The following C8orf34 variants were observed in gnomAD, a reference collection of about 807,000 sequenced individuals.
C8orf34 encodes the protein uncharacterized protein C8orf34.
In C8orf34, 65 loss-of-function variants were observed where a neutral mutation model predicts 68.3. That is an observed-to-expected ratio of 0.95 (90% CI 0.78 to 1.17). C8orf34 has a LOEUF of 1.17. Ranked by LOEUF, C8orf34 falls within the 50% of genes most tolerant of loss-of-function variation. The pLI, the probability that C8orf34 is intolerant of heterozygous loss-of-function variation, is 0.00. For synonymous variants in C8orf34, 244 were observed against 241.2 expected (o/e 1.01, Z -0.11); for missense variants, 664 against 655.4 (o/e 1.01, Z -0.14).
At chr8:68,738,154 A>T (rs1822176047) in intron 10 of C8orf34, among the ~76,000 whole-genome samples, 1 of 152,108 alleles carries the variant, frequency 6.6e-6, no homozygotes. Flanking sequence ...ATTCAATCAA[A>T]ACAGTACAAT....
intron 11 of C8orf34, among the ~76,000 whole-genome samples, chr8:68,782,763 A>C (rs1157310737): frequency 6.6e-6 from 1 of 152,136 alleles, no homozygotes; most frequent in Non-Finnish European, 1.5e-5. Flanking sequence ...TTTAAAATGA[A>C]AATCACTTTT....
intron 7 of C8orf34, among the ~76,000 whole-genome samples, chr8:68,588,209 T>C (rs949544099): frequency 1.3e-5 from 2 of 152,120 alleles, no homozygotes; most frequent in Admixed American, 1.3e-4. Flanking sequence ...TGTATTTATC[T>C]GAAGTAAGTA....
rs189155246 is a variant in C8orf34, at chr8:68,742,284, T to C, written c.1404+20847T>C. On this transcript the variant is annotated intron_variant, in intron 10 of 13. Coordinates refer to ENST00000518698, the MANE Select transcript of C8orf34 (RefSeq NM_052958.4). ...TTCCTTTGCTGCTAATGTCCAGTTT[T>C]AATCTGCCCTCAATATGTATCTTAT... Among the ~76,000 whole-genome samples the C allele has an allele frequency of 2.0e-3, 304 of 152,342 alleles. 2 individuals carry two copies. Among genetic ancestry groups the C allele is most frequent in the Non-Finnish European group, 2.1e-3 (146 of 68,036 alleles).
At chr8:68,500,149 C>T (rs549840807) in intron 5 of C8orf34, among the ~76,000 whole-genome samples, 1 of 152,262 alleles carries the variant, frequency 6.6e-6, no homozygotes, top group South Asian at 2.1e-4. Context: ...AATTAAACCT[C>T]TTCTTAAAAT....
chr8:68,641,108 T>C (rs1157031049), intron 8 of C8orf34, among the ~76,000 whole-genome samples: 1 of 152,208 alleles, frequency 6.6e-6, no homozygotes, highest in Non-Finnish European at 1.5e-5. Flanking sequence ...CTAAATCTCA[T>C]TTGCAAAGAG....
intron 5 of C8orf34, among the ~76,000 whole-genome samples, chr8:68,520,300 T>A (rs1208175735): frequency 1.3e-5 from 2 of 152,176 alleles, no homozygotes; most frequent in Non-Finnish European, 2.9e-5. Context: ...ATATTTCATG[T>A]GTTGCTTTTG....
At chr8:68,504,882 C>T in intron 5 of C8orf34, among the ~76,000 whole-genome samples, 1 of 151,896 alleles carries the variant, frequency 6.6e-6, no homozygotes, top group East Asian at 1.9e-4. Flanking sequence ...TTTCACCATG[C>T]TGGCCAGGCT....
chr8:68,439,544 C>T lies in C8orf34; in HGVS notation c.373C>T (p.Pro125Ser). ...LITETPDQPI[P>S]FLIDHLQSKQ... ...AACTGAGACACCTGACCAGCCAATC[C>T]CATTTCTCATTGACCATCTTCAGTC... is the stretch of plus-strand genomic sequence containing the variant. Residue 125 changes from proline to serine, a missense_variant, in exon 2 of 14, where the codon CCA becomes TCA. Coordinates refer to ENST00000518698, the MANE Select transcript of C8orf34 (RefSeq NM_052958.4). 1 of 1,613,722 alleles carries T rather than the reference C, an allele frequency of 6.2e-7. No individual in the cohort carries two copies. The highest frequency in any genetic ancestry group is 8.5e-7 in the Non-Finnish European group (1 of 1,179,766).
chr8:68,747,963 T>G (rs953481541), intron 10 of C8orf34, among the ~76,000 whole-genome samples: 1 of 151,934 alleles, frequency 6.6e-6, no homozygotes, highest in Non-Finnish European at 1.5e-5. Context: ...GCTGGAGACA[T>G]CACACTACCT....
intron 7 of C8orf34, among the ~76,000 whole-genome samples, chr8:68,552,217 G>A (rs1409331052): frequency 6.6e-6 from 1 of 152,038 alleles, no homozygotes; most frequent in Non-Finnish European, 1.5e-5. Flanking sequence ...CTAAATTTTA[G>A]AGTCAACTTA....
At chr8:68,597,793 T>C (rs559278050) in intron 7 of C8orf34, among the ~76,000 whole-genome samples, 26 of 152,308 alleles carry the variant, frequency 1.7e-4, no homozygotes, top group Non-Finnish European at 3.1e-4. Flanking sequence ...ACTTTATTCC[T>C]GCTTCTTGTC....
intron 9 of C8orf34, among the ~76,000 whole-genome samples, chr8:68,714,628 C>T (rs973849142): frequency 9.9e-5 from 15 of 152,062 alleles, no homozygotes; most frequent in African/African-American, 3.4e-4. Flanking sequence ...TTATAGACAA[C>T]ACAAACAAAT....
intron 1 of C8orf34, among the ~76,000 whole-genome samples, chr8:68,403,866 C>A (rs1300659314): frequency 3.9e-5 from 6 of 152,088 alleles, no homozygotes; most frequent in Non-Finnish European, 8.8e-5. Flanking sequence ...GTCTTTATGG[C>A]AGAATGATTT....
At chr8:68,788,071 T>C (rs1484004362) in intron 12 of C8orf34, among the ~76,000 whole-genome samples, 1 of 152,234 alleles carries the variant, frequency 6.6e-6, no homozygotes, top group Non-Finnish European at 1.5e-5. Flanking sequence ...ACTAATGCCA[T>C]GGCTCAGTGC....
chr8:68,688,117 T>C (rs553024255), intron 8 of C8orf34, among the ~76,000 whole-genome samples: 6 of 151,892 alleles, frequency 4.0e-5, no homozygotes, highest in East Asian at 1.9e-4. Context: ...ATTTAAAAAG[T>C]CAAAAAACAA....
chr8:68,359,014 T>A (rs917071032), intron 1 of C8orf34, among the ~76,000 whole-genome samples: 37 of 152,256 alleles, frequency 2.4e-4, no homozygotes, highest in Admixed American at 4.6e-4. Context: ...ATTTATTTTT[T>A]AAAAAAATTG....
At chr8:68,715,648 TA>T (rs369772350) in intron 9 of C8orf34, among the ~76,000 whole-genome samples, 6 of 140,560 alleles carry the variant, frequency 4.3e-5, no homozygotes, top group African/African-American at 1.6e-4. Flanking sequence ...TTTTTTACTA[TA>T]AAAAATAAAA....
chr8:68,519,771 C>T (rs866373003), intron 5 of C8orf34, among the ~76,000 whole-genome samples: 1 of 152,056 alleles, frequency 6.6e-6, no homozygotes, highest in Non-Finnish European at 1.5e-5. Context: ...ATGTTATTTA[C>T]TAATTCATTT....
intron 10 of C8orf34, among the ~76,000 whole-genome samples, chr8:68,739,570 A>G (rs1822220945): frequency 6.6e-6 from 1 of 152,170 alleles, no homozygotes; most frequent in Admixed American, 6.6e-5. Flanking sequence ...ATTACAAAAC[A>G]CTGCTCAAAG....
Sources: allele counts gnomAD v4.1 joint callset (sites outside exome capture counted in the v4.1 genomes callset), GRCh38; gene constraint gnomAD v4.1.1; transcripts MANE v1.5; gene names NCBI Gene and HGNC (gene_info 2026-07-23, HGNC 2026-07-21).